Variants in PRH1 observed in about 807,000 individuals in gnomAD.
The protein encoded by PRH1 is salivary acidic proline-rich phosphoprotein 1/2.
In PRH1, 7 loss-of-function variants were observed where a neutral mutation model predicts 7.9. The observed-to-expected ratio is 0.89, with a 90% confidence interval of 0.50 to 1.67. The LOEUF (loss-of-function observed/expected upper bound fraction) is 1.67. PRH1 is among the 40% of genes most tolerant of loss of function. The probability of loss-of-function intolerance (pLI) is 0.00; values close to 1 mark genes in which losing one functional copy is unlikely to be tolerated. For synonymous variants in PRH1, 45 were observed against 80.8 expected (o/e 0.56, Z 2.38); for missense variants, 109 against 223.6 (o/e 0.49, Z 3.27).
chr12:11,025,971 T>C (rs1419717889), intron 1 of PRH1, among the ~76,000 whole-genome samples: 2 of 150,842 alleles, frequency 1.3e-5, no homozygotes, highest in Admixed American at 6.6e-5. Flanking sequence ...TTGGAGTTTT[T>C]AGTTTTTTGT....
intron 2 of PRH1, among the ~76,000 whole-genome samples, chr12:10,951,761 T>A (rs890532763): frequency 1.3e-5 from 2 of 152,222 alleles, no homozygotes; most frequent in Admixed American, 6.5e-5. Context: ...TGTTTTCGAT[T>A]GAAGAATATT....
intron 1 of PRH1, among the ~76,000 whole-genome samples, chr12:11,019,020 A>C (rs1300632065): frequency 1.3e-5 from 2 of 152,276 alleles, no homozygotes; most frequent in Non-Finnish European, 2.9e-5. Flanking sequence ...AAAAAAAACT[A>C]TCTCTTAGAA....
At chr12:11,062,236 C>G in intron 1 of PRH1, 3 of 1,613,102 alleles carry the variant, frequency 1.9e-6, no homozygotes, top group African/African-American at 1.3e-5. Context: ...AGCAAAATTT[C>G]CAATCACAAA....
intron 1 of PRH1, among the ~76,000 whole-genome samples, chr12:11,061,048 A>T (rs537629365): frequency 2.0e-5 from 3 of 152,172 alleles, no homozygotes; most frequent in Non-Finnish European, 4.4e-5. Context: ...TATAAAATAC[A>T]TAAATGAAAT....
intron 1 of PRH1, among the ~76,000 whole-genome samples, chr12:11,103,394 G>T (rs1945314310): frequency 6.6e-6 from 1 of 152,050 alleles, no homozygotes; most frequent in Non-Finnish European, 1.5e-5. Context: ...TTGTAGGGAC[G>T]TGGATGAAGC....
intron 1 of PRH1, chr12:11,021,936 A>C (rs1224848047): frequency 6.2e-7 from 1 of 1,614,094 alleles, no homozygotes; most frequent in Non-Finnish European, 8.5e-7. Context: ...ATCCTTTGCT[A>C]TGGAGCCGCA....
chr12:10,894,953 T>A (rs1393590942), intron 2 of PRH1: 1 of 152,174 alleles, frequency 6.6e-6, no homozygotes, highest in Non-Finnish European at 1.5e-5. Context: ...TTTATAAAAA[T>A]GAGAGATTAT....
intron 2 of PRH1, among the ~76,000 whole-genome samples, chr12:10,950,266 T>G (rs1205808572): frequency 6.6e-6 from 1 of 152,122 alleles, no homozygotes; most frequent in Non-Finnish European, 1.5e-5. Context: ...TATGAGGTGA[T>G]CCTCCATCAT....
chr12:10,892,490 A>C (rs1158563579), intron 2 of PRH1, among the ~76,000 whole-genome samples: 1 of 147,288 alleles, frequency 6.8e-6, no homozygotes, highest in East Asian at 2.1e-4. Context: ...CTTTGAGAGC[A>C]CTGGAGCAGT....
At chr12:10,964,214 C>G (rs532355740) in intron 2 of PRH1, among the ~76,000 whole-genome samples, 18 of 152,238 alleles carry the variant, frequency 1.2e-4, no homozygotes, top group African/African-American at 4.3e-4. Flanking sequence ...TATGTTATTG[C>G]CACTCTCTCT....
upstream of PRH1, among the ~76,000 whole-genome samples, chr12:10,886,592 C>T (rs1465295847): frequency 6.6e-6 from 1 of 152,222 alleles, no homozygotes; most frequent in Non-Finnish European, 1.5e-5. Context: ...CGCAGGACTG[C>T]TGCAGGAGCT....
At chr12:11,083,841 AC>A (rs1555160943) in intron 1 of PRH1, among the ~76,000 whole-genome samples, 37,804 of 102,018 alleles carry the variant, frequency 0.37, 5,707 homozygotes, top group Non-Finnish European at 0.45. Flanking sequence ...CATTTTTCAA[AC>A]CTAATAATTC....
intron 1 of PRH1, among the ~76,000 whole-genome samples, chr12:11,156,424 C>A (rs1336545417): frequency 6.6e-6 from 1 of 152,140 alleles, no homozygotes; most frequent in African/African-American, 2.4e-5. Flanking sequence ...GTCTCAGCAA[C>A]ATTACTTCTT....
At position 11,075,247 on chromosome 12, in the gene PRH1, A is replaced by G. The variant is rs1409417714; in HGVS notation, n.124-28059T>C. 3.0e-5 allele frequency among the ~76,000 whole-genome samples: 4 copies of G among 132,396 alleles called. 1 individual carries two copies. The highest frequency in any genetic ancestry group is 8.6e-5 in the African/African-American group (3 of 34,968). 86.9% of individuals were successfully genotyped at this position (132,396 alleles called of 152,430 possible). A position where few individuals can be genotyped will look rare whatever the true frequency, so the allele number is the denominator to read the frequency against. ...AGAAAGGTGACTCGTTACTAACTCA[A>G]TTTTTAAAAGCGAAATGCCATCTTT... On this transcript the variant is annotated intron_variant and non_coding_transcript_variant, in intron 1 of 4. Coordinates refer to the PRH1 transcript ENST00000541977.
At chr12:10,993,880 G>A (rs1316333456) in intron 1 of PRH1, among the ~76,000 whole-genome samples, 1 of 152,192 alleles carries the variant, frequency 6.6e-6, no homozygotes, top group Non-Finnish European at 1.5e-5. Flanking sequence ...CACAGGAGAG[G>A]GGAGAGCAAA....
chr12:10,884,241 T>A lies in PRH1; in HGVS notation c.-24A>T. On this transcript the variant is annotated 5_prime_UTR_variant, in exon 1 of 4. Coordinates refer to ENST00000543626, the MANE Select transcript of PRH1 (RefSeq NM_001393989.1). ...ATCTTGCAGGAGGCTCTGGTGTCAC[T>A]CCCAACTTTGTGCTGGGAGAAACGT... 6.2e-7 allele frequency: 1 copy of A among 1,614,132 alleles called. No individual in the cohort carries two copies. The highest frequency in any genetic ancestry group is 8.5e-7 in the Non-Finnish European group (1 of 1,179,988).
intron 3 of PRH1, among the ~76,000 whole-genome samples, chr12:10,881,771 T>C (rs1244945581): frequency 6.6e-6 from 1 of 152,200 alleles, no homozygotes; most frequent in Non-Finnish European, 1.5e-5. Flanking sequence ...TGACTTTAAA[T>C]GTAAGTATAC....
chr12:11,058,693 T>G (rs956923148), intron 1 of PRH1, among the ~76,000 whole-genome samples: 8 of 151,802 alleles, frequency 5.3e-5, no homozygotes, highest in Non-Finnish European at 1.0e-4. Flanking sequence ...GTTAGAGGCA[T>G]ACATAGTGGG....
chr12:11,027,605 T>C (rs2900578), intron 1 of PRH1, among the ~76,000 whole-genome samples: 63,208 of 148,716 alleles, frequency 0.43, 12,357 homozygotes, highest in Non-Finnish European at 0.49. Flanking sequence ...GACTCATTAA[T>C]GAAGTTTCCC....
Sources: gnomAD v4.1 joint callset for allele counts (sites outside exome capture counted in the v4.1 genomes callset) on GRCh38, gnomAD v4.1.1 for gene constraint, MANE v1.5 for transcripts, NCBI Gene and HGNC (gene_info 2026-07-23, HGNC 2026-07-21) for gene names.